SLC66A2: variants seen among roughly 807,000 people sequenced by gnomAD.
SLC66A2 encodes the protein solute carrier family 66 member 2, also known as PQ loop repeat containing 1.
Under a neutral mutation model 25.5 loss-of-function variants are expected in SLC66A2, and 23 were observed. That is an observed-to-expected ratio of 0.90 (90% CI 0.65 to 1.28). SLC66A2 has a LOEUF of 1.28. SLC66A2 is among the 50% of genes most tolerant of loss of function. The pLI, the probability that SLC66A2 is intolerant of heterozygous loss-of-function variation, is 0.00. For synonymous variants in SLC66A2, 193 were observed against 166.5 expected, an observed-to-expected ratio of 1.16 and a Z score of -1.23; for missense variants, 396 against 373.1, an observed-to-expected ratio of 1.06 and a Z score of -0.51.
intron 4 of SLC66A2, among the ~76,000 whole-genome samples, chr18:79,923,027 A>C (rs1165400621): frequency 6.6e-6 from 1 of 150,902 alleles, no homozygotes; most frequent in Non-Finnish European, 1.5e-5. Context: ...TCTCACTCTG[A>C]GTGAGACGCT....
chr18:79,916,902 C>G (rs1209133104), intron 5 of SLC66A2, among the ~76,000 whole-genome samples: 2 of 152,254 alleles, frequency 1.3e-5, no homozygotes, highest in Non-Finnish European at 2.9e-5. Flanking sequence ...TCCAGAGGCC[C>G]AGATTTGCGA....
At chr18:79,911,463 G>A (rs1900492798) in intron 5 of SLC66A2, among the ~76,000 whole-genome samples, 1 of 152,262 alleles carries the variant, frequency 6.6e-6, no homozygotes, top group Non-Finnish European at 1.5e-5. Context: ...ACGTGCAGCT[G>A]AAGCCTGATC....
chr18:79,942,702 C>T (rs1987781984), intron 3 of SLC66A2, among the ~76,000 whole-genome samples: 2 of 152,238 alleles, frequency 1.3e-5, no homozygotes, highest in African/African-American at 4.8e-5. Context: ...AAACAGAGTT[C>T]AGACTGGAAC....
chr18:79,919,163 G>A (rs764019325), intron 5 of SLC66A2, 21 bp downstream of exon 5: 28 of 1,606,246 alleles, frequency 1.7e-5, no homozygotes, highest in Middle Eastern at 3.4e-4. Context: ...TGGTGCTTCC[G>A]TGGCGGCATC....
At chr18:79,934,168 T>G (rs2277725) in intron 3 of SLC66A2, 146 bp from the exon 4 acceptor site, 283,213 of 695,004 alleles carry the variant, frequency 0.41, 61,132 homozygotes, top group Admixed American at 0.5. Flanking sequence ...GATCACAAGA[T>G]TTTGGTTTTT....
intron 4 of SLC66A2, among the ~76,000 whole-genome samples, chr18:79,925,685 G>A (rs1170266412): frequency 3.9e-5 from 6 of 152,218 alleles, no homozygotes; most frequent in African/African-American, 1.2e-4. Flanking sequence ...TTTACCACTT[G>A]GGGAATGTGC....
intron 1 of SLC66A2, among the ~76,000 whole-genome samples, chr18:79,951,364 G>T (rs1318420395): frequency 6.6e-6 from 1 of 151,282 alleles, no homozygotes; most frequent in Non-Finnish European, 1.5e-5. Flanking sequence ...CACTGTTCGG[G>T]GGAGGGTCAC....
chr18:79,942,609 G>A (rs779603728), intron 3 of SLC66A2, among the ~76,000 whole-genome samples: 12 of 152,216 alleles, frequency 7.9e-5, no homozygotes, highest in Non-Finnish European at 1.8e-4. Context: ...AGTGAGTGCT[G>A]TCTTAGATTT....
rs1240314142 is a variant in SLC66A2 at position 79,917,092 on chromosome 18, ACACAGACCCCCCTTC to A, written c.608+2077_608+2091del. ...AGCACGTCCAATGTGTTTCTTCCACACACAGACCCCCCTTCCACAGGCGTTTCTGGAGCCTTCCCC... is the reference window on the plus strand; with the variant it reads ...AGCACGTCCAATGTGTTTCTTCCACACACAGGCGTTTCTGGAGCCTTCCCC... On this transcript the variant is annotated intron_variant, in intron 5 of 5. Coordinates refer to ENST00000397778, the MANE Select transcript of SLC66A2 (RefSeq NM_025078.5). The surrounding 1 kb of genome is among the most constrained non-coding windows in gnomAD (Gnocchi z 6.0). Among the ~76,000 whole-genome samples, 1 of 152,216 alleles carries A rather than the reference ACACAGACCCCCCTTC, an allele frequency of 6.6e-6. No homozygotes were observed. Among genetic ancestry groups the A allele is most frequent in the African/African-American group, 2.4e-5 (1 of 41,456 alleles).
chr18:79,922,500 A>G (rs1250519451), intron 4 of SLC66A2, among the ~76,000 whole-genome samples: 2 of 152,018 alleles, frequency 1.3e-5, no homozygotes, highest in Non-Finnish European at 2.9e-5. Context: ...CTTGAGTTCT[A>G]CAACACGCCT....
At position 79,903,626 on chromosome 18, in the gene SLC66A2, G is replaced by A. The variant is rs1023081775; in HGVS notation, c.*350C>T. On this transcript the variant is annotated 3_prime_UTR_variant, in exon 6 of 6. Transcript: ENST00000397778. ...CTTCAAGGTTCGCGGCTGCTGGCCC[G>A]TGTGTCCACCTGGAGCAGGTTCCTG... The A allele has an allele frequency of 2.3e-5, 7 of 310,476 alleles. No individual in the cohort carries two copies. The highest frequency in any genetic ancestry group is 4.4e-5 in the South Asian group (1 of 22,950). 19.2% of individuals were successfully genotyped at this position (310,476 alleles called of 1,614,324 possible). A position where few individuals can be genotyped will look rare whatever the true frequency, so the allele number is the denominator to read the frequency against.
intron 2 of SLC66A2, among the ~76,000 whole-genome samples, chr18:79,949,259 G>A (rs1834573363): frequency 6.6e-6 from 1 of 152,126 alleles, no homozygotes; most frequent in Non-Finnish European, 1.5e-5. Flanking sequence ...CACGGAGCAG[G>A]GAGCACCCCG....
At chr18:79,905,152 CTTG>C (rs913358886) in intron 5 of SLC66A2, among the ~76,000 whole-genome samples, 1 of 152,260 alleles carries the variant, frequency 6.6e-6, no homozygotes, top group Non-Finnish European at 1.5e-5. Flanking sequence ...TCTAGAGCAT[CTTG>C]TTGGCCTCTG....
intron 4 of SLC66A2, among the ~76,000 whole-genome samples, chr18:79,932,412 A>G (rs1320580305): frequency 6.6e-6 from 1 of 152,166 alleles, no homozygotes; most frequent in East Asian, 1.9e-4. Context: ...GAAAAACAAT[A>G]AAGAAAATGA....
rs757720856 is a variant in SLC66A2, at chr18:79,904,032, G to A, written c.760C>T (p.His254Tyr). Reference sequence around the variant, plus strand: ...GCGTGGGGCGCCGGCTTCTGGGGGTGGCGGGCGAAGGCGTAGGCCTGCCCC... The same window carrying A: ...GCGTGGGGCGCCGGCTTCTGGGGGTAGCGGGCGAAGGCGTAGGCCTGCCCC... ...ILGQAYAFAR[H>Y]PQKPAPHAVH... Residue 254 changes from histidine to tyrosine, a missense_variant, in exon 6 of 6, where the codon CAC becomes TAC. By Grantham distance (83) the His-to-Tyr change is moderately conservative. Coordinates refer to ENST00000397778, the MANE Select transcript of SLC66A2 (RefSeq NM_025078.5). The surrounding 1 kb of genome is among the most constrained non-coding windows in gnomAD (Gnocchi z 6.3). 1.9e-6 allele frequency: 3 copies of A among 1,605,490 alleles called. No homozygotes were observed. The African/African-American group carries it at 4.0e-5, about 22-fold the overall frequency.
intron 2 of SLC66A2, chr18:79,944,513 A>AGTCTCTGCCTCCCTGCG (rs1365258248): frequency 6.6e-6 from 1 of 152,380 alleles, no homozygotes; most frequent in East Asian, 1.9e-4. Context: ...AATGACTGGC[A>AGTCTCTGCCTCCCTGCG]GTCTCTGCCT....
In SLC66A2 at chr18:79,917,560, A is replaced by T. The variant is rs557358737; in HGVS notation, c.608+1624T>A. On this transcript the variant is annotated intron_variant, in intron 5 of 5. Transcript: ENST00000397778. The surrounding 1 kb of genome is among the most constrained non-coding windows in gnomAD (Gnocchi z 6.0). ...GCTGTGGGGTGGCTGGGGACGCCAC[A>T]CTCCGCCGGACAAGGCCCACGTCCA... Among the ~76,000 whole-genome samples, 45 of 151,728 alleles carry T rather than the reference A, an allele frequency of 3.0e-4. No homozygotes were observed. The highest frequency in any genetic ancestry group is 5.0e-4 in the Non-Finnish European group (34 of 67,884).
At chr18:79,922,286 A>G (rs1234434580) in intron 4 of SLC66A2, among the ~76,000 whole-genome samples, 1 of 151,506 alleles carries the variant, frequency 6.6e-6, no homozygotes, top group East Asian at 1.9e-4. Flanking sequence ...TGAAAAGAAA[A>G]AAAAAAAAAA....
chr18:79,913,550 C>T lies in SLC66A2; in HGVS notation c.608+5634G>A, dbSNP rs1047726428. Among the ~76,000 whole-genome samples, 7 of 152,360 alleles carry T rather than the reference C, an allele frequency of 4.6e-5. No homozygotes were observed. In the East Asian group the frequency reaches 1.2e-3, roughly 25 times the overall value. ...GGAAGTCACTGTTCAAAAATGCCTC[C>T]GGCAGTTGCTCACAGGTGGAAACCG... On this transcript the variant is annotated intron_variant, in intron 5 of 5. Transcript: ENST00000397778.
Sources: gnomAD v4.1 joint callset for allele counts (sites outside exome capture counted in the v4.1 genomes callset) on GRCh38, gnomAD v4.1.1 for gene constraint, Gnocchi (gnomAD v3.1) non-coding constraint, MANE v1.5 for transcripts, NCBI Gene and HGNC (gene_info 2026-07-23, HGNC 2026-07-21) for gene names.